FANCC: variants seen among roughly 807,000 people sequenced by gnomAD.
FANCC encodes Fanconi anemia group C protein.
A neutral mutation model predicts 71.3 loss-of-function variants in FANCC; 55 were observed. The observed-to-expected ratio is 0.77, with a 90% CI of 0.62 to 0.97. The LOEUF (loss-of-function observed/expected upper bound fraction) is 0.97. Among genes scored for constraint, FANCC ranks in the 50% least tolerant of loss-of-function variants. The probability of loss-of-function intolerance (pLI) is 0.00; values close to 1 mark genes in which losing one functional copy is unlikely to be tolerated. For synonymous variants in FANCC, 275 were observed against 244.9 expected (o/e 1.12, Z -1.15); for missense variants, 678 against 670.9 (o/e 1.01, Z -0.12).
intron 6 of FANCC, among the ~76,000 whole-genome samples, chr9:95,167,986 C>G (rs961011543): frequency 6.6e-6 from 1 of 152,198 alleles, no homozygotes; most frequent in Non-Finnish European, 1.5e-5. Flanking sequence ...CACCAGTGGA[C>G]CCGGCTAGAC....
At chr9:95,117,772 G>A (rs1286686002) in intron 10 of FANCC, among the ~76,000 whole-genome samples, 1 of 146,662 alleles carries the variant, frequency 6.8e-6, no homozygotes, top group African/African-American at 2.5e-5. Flanking sequence ...TGCCCAGGCT[G>A]GAGTGCAATG....
At position 95,293,867 on chromosome 9, in the gene FANCC, C is replaced by T. The variant is rs1834212920; in HGVS notation, c.-79+23659G>A. On this transcript the variant is annotated intron_variant, in intron 1 of 14. Transcript: ENST00000289081. The stretch of plus-strand genomic sequence containing the variant: ...CAACGGATGACCATGTACAGATGGA[C>T]CAAGCTGGAATGTGCAGAGACATTT... 5 of 1,608,902 alleles carry T rather than the reference C, an allele frequency of 3.1e-6. No individual in the cohort carries two copies. The African/African-American group carries it at 6.7e-5, about 22-fold the overall frequency.
Position 95,152,259 on chromosome 9 carries a change from A to G in FANCC, c.522-2172T>C, listed in dbSNP as rs537893981. On this transcript the variant is annotated intron_variant, in intron 6 of 14. Transcript: ENST00000289081. The stretch of plus-strand genomic sequence containing the variant: ...AGGTGTACATGACACAGATGCAAAG[A>G]TGACAATGTCTCATCAGGGAGAGGA... 3.3e-5 allele frequency among the ~76,000 whole-genome samples: 5 copies of G among 152,248 alleles called. No homozygotes were observed. In the South Asian group the frequency reaches 1.0e-3, roughly 32 times the overall value.
At position 95,150,048 on chromosome 9, in the gene FANCC, A is replaced by G. The variant is rs763610316; in HGVS notation, c.561T>C (p.Cys187=). 1 of 1,614,178 alleles carries G rather than the reference A, an allele frequency of 6.2e-7. No individual in the cohort carries two copies. The highest frequency in any genetic ancestry group is 8.5e-7 in the Non-Finnish European group (1 of 1,180,030). ...CATCTGTCAGGGTAATAAGTGGGAC[A>G]CAAACTCGTGACAGGGACGCCACTC... The part of the protein sequence containing the change: ...PERVASLSRV[C]VPLITLTDVD... The change falls in exon 7 of 15, where the codon TGT becomes TGC. Residue 187 remains cysteine (C), a synonymous_variant. Coordinates refer to ENST00000289081, the MANE Select transcript of FANCC (RefSeq NM_000136.3).
chr9:95,301,428 T>A (rs1473802094), intron 1 of FANCC, among the ~76,000 whole-genome samples: 4 of 152,054 alleles, frequency 2.6e-5, no homozygotes, highest in Non-Finnish European at 5.9e-5. Context: ...TTTGTTTTTT[T>A]TGGTTCTGGG....
At chr9:95,252,282 A>G (rs1025691396) in intron 1 of FANCC, among the ~76,000 whole-genome samples, 1 of 149,562 alleles carries the variant, frequency 6.7e-6, no homozygotes. Context: ...TTCAAAAAAA[A>G]AAAAAAAAAA....
chr9:95,260,686 TAAA>T lies in FANCC; in HGVS notation c.-78-11320_-78-11318del, dbSNP rs75106263. ...CACATGTATCTCAGAACTTAAAATA[TAAA>T]AAAAAAAAAAAAACTTCCAGATACA... On this transcript the variant is annotated intron_variant, in intron 1 of 14. Coordinates refer to ENST00000289081, the MANE Select transcript of FANCC (RefSeq NM_000136.3). 1.4e-3 allele frequency among the ~76,000 whole-genome samples: 179 copies of T among 129,584 alleles called. 1 individual carries two copies. Among genetic ancestry groups the T allele is most frequent in the African/African-American group, 4.9e-3 (174 of 35,658 alleles). The allele number at this position is 129,584 out of a possible 152,430, so 85.0% of individuals were successfully genotyped here.
intron 6 of FANCC, among the ~76,000 whole-genome samples, chr9:95,167,212 A>T (rs576322022): frequency 1.1e-4 from 16 of 152,222 alleles, no homozygotes; most frequent in African/African-American, 3.8e-4. Context: ...CTTGTACATG[A>T]CAAGTCACTT....
intron 1 of FANCC, among the ~76,000 whole-genome samples, chr9:95,290,557 G>A (rs998057266): frequency 6.6e-6 from 1 of 152,124 alleles, no homozygotes; most frequent in Non-Finnish European, 1.5e-5. Context: ...AATGAAAGGA[G>A]GGTTATTAAG....
chr9:95,136,434 C>T (rs746066279), intron 7 of FANCC, among the ~76,000 whole-genome samples: 12 of 151,680 alleles, frequency 7.9e-5, no homozygotes, highest in Non-Finnish European at 1.8e-4. Context: ...AGTTGATGCA[C>T]TGGACCTTAA....
intron 4 of FANCC, among the ~76,000 whole-genome samples, chr9:95,206,450 T>C (rs1318600834): frequency 6.6e-6 from 1 of 152,130 alleles, no homozygotes; most frequent in Non-Finnish European, 1.5e-5. Flanking sequence ...TTGTGGCAAG[T>C]CCCCTACATC....
intron 1 of FANCC, among the ~76,000 whole-genome samples, chr9:95,314,044 T>C (rs531537112): frequency 4.6e-5 from 7 of 152,208 alleles, no homozygotes; most frequent in Non-Finnish European, 1.0e-4. Context: ...ATACACTCCA[T>C]GTCTATTCAG....
chr9:95,268,222 G>A (rs1832504789), intron 1 of FANCC, among the ~76,000 whole-genome samples: 1 of 152,228 alleles, frequency 6.6e-6, no homozygotes, highest in African/African-American at 2.4e-5. Flanking sequence ...CCTTGTAATA[G>A]ATAACTCACT....
Position 95,111,340 on chromosome 9 carries a change from T to C in FANCC, c.1329+123A>G, listed in dbSNP as rs763225812. The stretch of plus-strand genomic sequence containing the variant: ...CATGCCTGCAGGTTGCCATGACATA[T>C]GCCATCTGTGGGCAGAGCTCAGGTG... On this transcript the variant is annotated intron_variant, in intron 13 of 14. Coordinates refer to ENST00000289081, the MANE Select transcript of FANCC (RefSeq NM_000136.3). The C allele has an allele frequency of 4.4e-6, 7 of 1,597,966 alleles. No homozygotes were observed. The African/African-American group carries it at 6.7e-5, about 15-fold the overall frequency.
rs1829700340 is a variant in FANCC at position 95,227,583 on chromosome 9, T to C, written c.345+13066A>G. ...CTCCCACTTCTCCAACATCTCAACC[T>C]GCCAATTCCTGCCCTCCTGCACTGT... On this transcript the variant is annotated intron_variant, in intron 4 of 14. Coordinates refer to ENST00000289081, the MANE Select transcript of FANCC (RefSeq NM_000136.3). Among the ~76,000 whole-genome samples the C allele has an allele frequency of 2.0e-5, 3 of 152,220 alleles. No individual in the cohort carries two copies. The South Asian group carries it at 6.2e-4, about 31-fold the overall frequency.
intron 1 of FANCC, chr9:95,294,621 C>T: frequency 3.2e-6 from 5 of 1,571,196 alleles, no homozygotes; most frequent in Non-Finnish European, 4.4e-6. Context: ...TTCAGTTGAA[C>T]AGTATAGAAA....
At chr9:95,257,122 T>G (rs1439139506) in intron 1 of FANCC, among the ~76,000 whole-genome samples, 1 of 152,176 alleles carries the variant, frequency 6.6e-6, no homozygotes, top group Non-Finnish European at 1.5e-5. Flanking sequence ...ATGAGACAGA[T>G]CAACGAGACA....
intron 4 of FANCC, among the ~76,000 whole-genome samples, chr9:95,203,537 T>C (rs531751656): frequency 2.0e-5 from 3 of 152,250 alleles, no homozygotes; most frequent in Non-Finnish European, 2.9e-5. Flanking sequence ...ATAATCCCAA[T>C]TGTATATATT....
intron 1 of FANCC, among the ~76,000 whole-genome samples, chr9:95,270,070 A>G (rs546570345): frequency 2.0e-5 from 3 of 152,332 alleles, no homozygotes; most frequent in Admixed American, 2.0e-4. Context: ...GTTATAGATT[A>G]ACAGAATCTC....
Sources: gnomAD v4.1 joint callset for allele counts (sites outside exome capture counted in the v4.1 genomes callset) on GRCh38, gnomAD v4.1.1 for gene constraint, MANE v1.5 for transcripts, NCBI Gene and HGNC (gene_info 2026-07-23, HGNC 2026-07-21) for gene names.